Variants in SYT1 observed in about 807,000 individuals in gnomAD.
SYT1 encodes synaptotagmin-1.
SYT1 carries 8 observed loss-of-function variants against 44.8 expected under a neutral mutation model. The ratio of observed to expected loss-of-function variants is 0.18; its 90% CI spans 0.10 to 0.32. The LOEUF is 0.32. Among genes scored for constraint, SYT1 ranks in the 10% least tolerant of loss-of-function variants. SYT1 has a pLI of 1.00. For missense variants in SYT1, 286 were observed against 509.3 expected (o/e 0.56, Z 4.22); for synonymous variants, 154 against 188.8 (o/e 0.82, Z 1.51).
intron 3 of SYT1, among the ~76,000 whole-genome samples, chr12:79,209,839 A>G: frequency 6.6e-6 from 1 of 152,194 alleles, no homozygotes; most frequent in African/African-American, 2.4e-5. Context: ...CTCCACCTCA[A>G]AATATACTCT....
At chr12:78,890,067 G>A (rs916233748) in intron 1 of SYT1, among the ~76,000 whole-genome samples, 1 of 151,908 alleles carries the variant, frequency 6.6e-6, no homozygotes, top group African/African-American at 2.4e-5. Context: ...TATGGCTAAA[G>A]AGAGCAGACA....
At chr12:79,222,427 A>C in intron 4 of SYT1, among the ~76,000 whole-genome samples, 1 of 139,924 alleles carries the variant, frequency 7.1e-6, no homozygotes, top group Non-Finnish European at 1.5e-5. Flanking sequence ...TGTTACCTAG[A>C]CTGAGGTGCA....
At chr12:78,956,747 A>G (rs1274907061) in intron 1 of SYT1, among the ~76,000 whole-genome samples, 1 of 152,142 alleles carries the variant, frequency 6.6e-6, no homozygotes, top group Non-Finnish European at 1.5e-5. Flanking sequence ...TAAAATTAAA[A>G]ATATAAACTT....
chr12:79,064,961 AAAGAAAG>A (rs1875691004), intron 3 of SYT1, among the ~76,000 whole-genome samples: 1 of 150,496 alleles, frequency 6.6e-6, no homozygotes, highest in Admixed American at 6.6e-5. Context: ...AGAAAGAAAG[AAAGAAAG>A]AAAGAAAGAA....
intron 2 of SYT1, among the ~76,000 whole-genome samples, chr12:78,986,437 G>A (rs2137462712): frequency 6.6e-6 from 1 of 151,598 alleles, no homozygotes; most frequent in South Asian, 2.1e-4. Context: ...TACAATTTTT[G>A]CAGTGTTTTA....
At chr12:79,359,757 CT>C (rs1565924903) in intron 9 of SYT1, among the ~76,000 whole-genome samples, 1 of 152,122 alleles carries the variant, frequency 6.6e-6, no homozygotes, top group Admixed American at 6.5e-5. Flanking sequence ...TTTGTCTTTT[CT>C]CTAGCTCCTT....
At chr12:79,371,884 T>C (rs926460213) in intron 9 of SYT1, among the ~76,000 whole-genome samples, 2 of 152,176 alleles carry the variant, frequency 1.3e-5, no homozygotes, top group African/African-American at 4.8e-5. Flanking sequence ...AGTTTAAGTA[T>C]TTGCTCCTCC....
chr12:79,080,647 T>A lies in SYT1; in HGVS notation c.-18+33285T>A, dbSNP rs527276600. Among the ~76,000 whole-genome samples, 5 of 152,192 alleles carry A rather than the reference T, an allele frequency of 3.3e-5. No homozygotes were observed. The East Asian group carries it at 9.6e-4, about 29-fold the overall frequency. ...TAGGCTAAATATCACAAGCAAAAATTGATGAGAATGTACTGGCTCCAATAT... is the reference window on the plus strand; with the variant it reads ...TAGGCTAAATATCACAAGCAAAAATAGATGAGAATGTACTGGCTCCAATAT... On this transcript the variant is annotated intron_variant, in intron 3 of 10. Transcript: ENST00000261205.
chr12:79,217,076 C>T (rs1023072233), intron 3 of SYT1, among the ~76,000 whole-genome samples: 2 of 152,152 alleles, frequency 1.3e-5, no homozygotes, highest in African/African-American at 4.8e-5. Flanking sequence ...CATTTATCAA[C>T]ATTTCCAATA....
At chr12:79,320,777 C>T (rs1881321414) in intron 8 of SYT1, among the ~76,000 whole-genome samples, 1 of 151,580 alleles carries the variant, frequency 6.6e-6, no homozygotes. Flanking sequence ...CATGTTCCAC[C>T]AGGCACAGCT....
intron 2 of SYT1, among the ~76,000 whole-genome samples, chr12:78,995,146 C>T (rs1172370874): frequency 6.6e-6 from 1 of 152,144 alleles, no homozygotes; most frequent in Non-Finnish European, 1.5e-5. Flanking sequence ...TTTTTTAAAT[C>T]TCCCAGGGGG....
intron 4 of SYT1, among the ~76,000 whole-genome samples, chr12:79,269,916 A>G (rs73349502): frequency 0.01 from 1,542 of 152,250 alleles, 27 homozygotes; most frequent in African/African-American, 0.035. Flanking sequence ...CCTCTGATTG[A>G]TTTAATCTTA....
intron 9 of SYT1, among the ~76,000 whole-genome samples, chr12:79,382,829 C>T (rs1273527675): frequency 6.6e-6 from 1 of 152,114 alleles, no homozygotes; most frequent in South Asian, 2.1e-4. Context: ...ATAGTGCAGT[C>T]CCCACTTTGA....
intron 2 of SYT1, among the ~76,000 whole-genome samples, chr12:79,002,529 A>G (rs1952866438): frequency 6.6e-6 from 1 of 152,058 alleles, no homozygotes; most frequent in Non-Finnish European, 1.5e-5. Flanking sequence ...AGTTTTTCCT[A>G]ATGAATGAAG....
chr12:78,924,527 C>G (rs1177929244), intron 1 of SYT1, among the ~76,000 whole-genome samples: 2 of 150,832 alleles, frequency 1.3e-5, no homozygotes, highest in East Asian at 3.9e-4. Context: ...CAGCTTTTTT[C>G]CACCTAATTA....
intron 3 of SYT1, among the ~76,000 whole-genome samples, chr12:79,093,450 A>C (rs1486582849): frequency 6.6e-6 from 1 of 151,786 alleles, no homozygotes; most frequent in East Asian, 1.9e-4. Flanking sequence ...TATAAAGCAT[A>C]GGAAATTATT....
intron 3 of SYT1, among the ~76,000 whole-genome samples, chr12:79,098,792 C>T (rs1216058682): frequency 1.3e-5 from 2 of 152,064 alleles, no homozygotes; most frequent in Non-Finnish European, 1.5e-5. Context: ...TGTGAATAAG[C>T]AGCTCCTAAG....
At chr12:78,889,367 T>C (rs1295813217) in intron 1 of SYT1, among the ~76,000 whole-genome samples, 1 of 151,870 alleles carries the variant, frequency 6.6e-6, no homozygotes, top group Admixed American at 6.6e-5. Context: ...CTGGCAGAAA[T>C]ACAAAAAACA....
At chr12:79,313,895 C>T (rs1272557) in intron 8 of SYT1, among the ~76,000 whole-genome samples, 3 of 148,848 alleles carry the variant, frequency 2.0e-5, no homozygotes, top group South Asian at 2.1e-4. Context: ...CGGGGCCGGG[C>T]GCGGTGGCTC....
Sources: allele counts gnomAD v4.1 joint callset (sites outside exome capture counted in the v4.1 genomes callset), GRCh38; gene constraint gnomAD v4.1.1; transcripts MANE v1.5; gene names NCBI Gene and HGNC (gene_info 2026-07-23, HGNC 2026-07-21).